Variants in FBXO4 observed in about 807,000 individuals in gnomAD.
FBXO4 encodes the protein F-box only protein 4.
FBXO4 carries 36 observed loss-of-function variants against 43.7 expected under a neutral mutation model. The observed-to-expected ratio is 0.82, with a 90% CI of 0.63 to 1.09. FBXO4 has a LOEUF of 1.09. Ranked by LOEUF, FBXO4 falls within the 50% of genes least tolerant of loss-of-function variation. The pLI is 0.00. For synonymous variants in FBXO4, 180 were observed against 165.6 expected, an observed-to-expected ratio of 1.09 and a Z score of -0.67; for missense variants, 435 against 474.1, an observed-to-expected ratio of 0.92 and a Z score of 0.77.
Position 41,937,643 on chromosome 5 carries a change from T to C in FBXO4, c.899-1798T>C, listed in dbSNP as rs988663361. Among the ~76,000 whole-genome samples the C allele has an allele frequency of 6.6e-5, 10 of 152,328 alleles. No individual in the cohort carries two copies. The South Asian group carries it at 1.9e-3, about 28-fold the overall frequency. ...TTAGTCTAATTTTATTACAGATCAA[T>C]AAATGAATTTTTAAAGAACAGAAAT... On this transcript the variant is annotated intron_variant, in intron 5 of 6. Coordinates refer to ENST00000281623, the MANE Select transcript of FBXO4 (RefSeq NM_012176.3).
At chr5:42,005,952 A>C in the FBXO4 span, among the ~76,000 whole-genome samples, 3 of 152,050 alleles carry the variant, frequency 2.0e-5, no homozygotes, top group Non-Finnish European at 4.4e-5. Context: ...CTGTGACCTA[A>C]CATTTACTGA....
chr5:42,037,157 A>G, the FBXO4 span, among the ~76,000 whole-genome samples: 4 of 152,092 alleles, frequency 2.6e-5, no homozygotes, highest in Non-Finnish European at 5.9e-5. Context: ...TAATCAGTTT[A>G]TTTAAGCTCA....
chr5:42,007,410 A>G, the FBXO4 span, among the ~76,000 whole-genome samples: 1 of 152,116 alleles, frequency 6.6e-6, no homozygotes. Context: ...AGTATTAGCC[A>G]TCTTCTAAGA....
At chr5:42,012,709 T>C in the FBXO4 span, among the ~76,000 whole-genome samples, 7 of 152,100 alleles carry the variant, frequency 4.6e-5, no homozygotes, top group African/African-American at 1.7e-4. Context: ...CAGTGCTGTC[T>C]GTGAAGGCAA....
At chr5:41,949,433 C>G in the FBXO4 span, among the ~76,000 whole-genome samples, 1 of 151,802 alleles carries the variant, frequency 6.6e-6, no homozygotes, top group African/African-American at 2.4e-5. Flanking sequence ...AACAGACAAA[C>G]AGCCAAATCA....
At chr5:42,031,239 A>C in the FBXO4 span, among the ~76,000 whole-genome samples, 9 of 152,322 alleles carry the variant, frequency 5.9e-5, no homozygotes, top group African/African-American at 1.9e-4. Flanking sequence ...CTGGATTAAG[A>C]AAATGTGGCA....
chr5:41,989,534 T>C, the FBXO4 span, among the ~76,000 whole-genome samples: 3 of 152,210 alleles, frequency 2.0e-5, no homozygotes, highest in African/African-American at 7.2e-5. Flanking sequence ...TCCCTTTGTA[T>C]ACATTAAAAT....
the FBXO4 span, among the ~76,000 whole-genome samples, chr5:41,987,122 T>TCTG: frequency 1.7e-4 from 26 of 152,284 alleles, no homozygotes; most frequent in African/African-American, 3.1e-4. Flanking sequence ...ACAGTGTTTT[T>TCTG]ACAGAAAAAT....
Position 41,941,361 on chromosome 5 carries a change from C to G in FBXO4, c.*80C>G. On this transcript the variant is annotated 3_prime_UTR_variant, in exon 7 of 7. Coordinates refer to ENST00000281623, the MANE Select transcript of FBXO4 (RefSeq NM_012176.3). ...TGATGTGAATATTTGCTCAGTCAGC[C>G]CACCTTGTCCTGCCTTTTTGCAGAT... The G allele has an allele frequency of 8.3e-7, 1 of 1,207,480 alleles. No individual in the cohort carries two copies. Among genetic ancestry groups the G allele is most frequent in the Admixed American group, 1.7e-5 (1 of 57,384 alleles). The allele number at this position is 1,207,480 out of a possible 1,614,324, so 74.8% of individuals were successfully genotyped here.
At chr5:41,991,361 T>C in the FBXO4 span, among the ~76,000 whole-genome samples, 1 of 152,244 alleles carries the variant, frequency 6.6e-6, no homozygotes, top group Admixed American at 6.5e-5. Flanking sequence ...AATCTACTCC[T>C]AACCTAAAAC....
At chr5:41,944,548 C>T (rs558691001), downstream of FBXO4, among the ~76,000 whole-genome samples, 21 of 152,210 alleles carry the variant, frequency 1.4e-4, no homozygotes, top group Non-Finnish European at 2.4e-4. Context: ...TCAAACATTA[C>T]TCATAAATTA....
chr5:41,993,006 AAC>A, the FBXO4 span, among the ~76,000 whole-genome samples: 1 of 152,316 alleles, frequency 6.6e-6, no homozygotes, highest in Non-Finnish European at 1.5e-5. Flanking sequence ...TCACATTATA[AAC>A]ACACTATTTT....
chr5:41,931,889 A>C (rs1428513523), intron 3 of FBXO4, among the ~76,000 whole-genome samples: 8 of 152,140 alleles, frequency 5.3e-5, no homozygotes. Flanking sequence ...GTGTTTCTCA[A>C]GTAGAAGGAT....
At chr5:41,974,681 T>C in the FBXO4 span, among the ~76,000 whole-genome samples, 1 of 152,180 alleles carries the variant, frequency 6.6e-6, no homozygotes, top group Non-Finnish European at 1.5e-5. Flanking sequence ...CCTTCTCTCT[T>C]AGAACTTTAA....
chr5:41,945,495 G>T (rs1752064333), downstream of FBXO4, among the ~76,000 whole-genome samples: 1 of 152,182 alleles, frequency 6.6e-6, no homozygotes, highest in Non-Finnish European at 1.5e-5. Flanking sequence ...TGCATGCAGG[G>T]TTGGGTAAAG....
the FBXO4 span, among the ~76,000 whole-genome samples, chr5:42,029,554 T>G: frequency 1.3e-5 from 2 of 152,012 alleles, no homozygotes; most frequent in African/African-American, 2.4e-5. Context: ...TTTCCTACCA[T>G]GTACTTGGGG....
At chr5:41,961,698 G>C in the FBXO4 span, among the ~76,000 whole-genome samples, 1 of 152,204 alleles carries the variant, frequency 6.6e-6, no homozygotes, top group Non-Finnish European at 1.5e-5. Context: ...CTGGGTCCCA[G>C]AGTGCTAACT....
chr5:42,036,742 A>G, the FBXO4 span, among the ~76,000 whole-genome samples: 1 of 152,154 alleles, frequency 6.6e-6, no homozygotes, highest in African/African-American at 2.4e-5. Context: ...GAGAAGAGAC[A>G]GAGATAGGAG....
At chr5:42,036,753 C>T in the FBXO4 span, among the ~76,000 whole-genome samples, 1 of 151,946 alleles carries the variant, frequency 6.6e-6, no homozygotes. Flanking sequence ...GAGATAGGAG[C>T]AAAATATATG....
Sources: allele counts gnomAD v4.1 joint callset (sites outside exome capture counted in the v4.1 genomes callset), GRCh38; gene constraint gnomAD v4.1.1; transcripts MANE v1.5; gene names NCBI Gene and HGNC (gene_info 2026-07-23, HGNC 2026-07-21).